The following PER2 variants were observed in gnomAD, a reference collection of about 807,000 sequenced individuals.
PER2 encodes period circadian regulator 2, also known as period circadian protein homolog 2.
Under a neutral mutation model 121.0 loss-of-function variants are expected in PER2, and 66 were observed. The observed-to-expected ratio is 0.55, with a 90% CI of 0.45 to 0.67. The LOEUF is 0.67. Ranked by LOEUF, PER2 falls within the 30% of genes least tolerant of loss-of-function variation. The probability of loss-of-function intolerance (pLI) is 0.00; values close to 1 mark genes in which losing one functional copy is unlikely to be tolerated. For synonymous variants in PER2, 684 were observed against 659.9 expected (o/e 1.04, Z -0.56); for missense variants, 1,521 against 1,635.0 (o/e 0.93, Z 1.20).
chr2:238,275,386 C>T (rs1434322198), intron 4 of PER2, among the ~76,000 whole-genome samples: 1 of 152,134 alleles, frequency 6.6e-6, no homozygotes, highest in African/African-American at 2.4e-5. Flanking sequence ...TGGTAGTTTC[C>T]ACTCTAAAGA....
At chr2:238,250,476 C>T in intron 21 of PER2, 75 bp downstream of exon 21, 1 of 1,053,950 alleles carries the variant, frequency 9.5e-7, no homozygotes, top group African/African-American at 1.6e-5. Context: ...ATCTGAATGA[C>T]CTTGACCTTG....
upstream of PER2, among the ~76,000 whole-genome samples, chr2:238,294,959 G>C (rs1697018823): frequency 6.6e-6 from 1 of 152,260 alleles, no homozygotes. Context: ...CTGGGGTGCA[G>C]GTCCATCTTG....
Position 238,245,744 on chromosome 2 carries a change from T to C in PER2, c.*631A>G. ...TAGTCCAGAGCAAATGTTTCAACTT[T>C]GTTCACTACAAACAAAACCTATGTC... On this transcript the variant is annotated 3_prime_UTR_variant, in exon 23 of 23. Coordinates refer to ENST00000254657, the MANE Select transcript of PER2 (RefSeq NM_022817.3). 2.5e-6 allele frequency: 1 copy of C among 398,460 alleles called. No individual in the cohort carries two copies. The highest frequency in any genetic ancestry group is 4.4e-6 in the Non-Finnish European group (1 of 225,988). The allele number at this position is 398,460 out of a possible 1,614,324, so 24.7% of individuals were successfully genotyped here.
At chr2:238,255,227 T>G (rs1182111487) in intron 18 of PER2, 2 of 287,572 alleles carry the variant, frequency 7.0e-6, no homozygotes, top group South Asian at 3.5e-5. Context: ...GTCAGGAGGG[T>G]GCATCTCCTG....
At chr2:238,274,176 C>T (rs901383290) in intron 4 of PER2, among the ~76,000 whole-genome samples, 4 of 152,234 alleles carry the variant, frequency 2.6e-5, no homozygotes, top group South Asian at 2.1e-4. Context: ...TGAGTTCCCA[C>T]GTCATCCTGG....
At chr2:238,249,001 A>C in intron 22 of PER2, 61 bp downstream of exon 22, 5 of 1,544,178 alleles carry the variant, frequency 3.2e-6, no homozygotes, top group Non-Finnish European at 4.5e-6. Flanking sequence ...AAGACAGTAC[A>C]GAGAATCCCC....
chr2:238,260,970 C>T lies in PER2; in HGVS notation c.1417-17G>A. ...GGGGACGGGCTGGGGAGACAGCAGA[C>T]AGCGCTACAGACACAGCCAGGGCTG... On this transcript the variant is annotated splice_polypyrimidine_tract_variant and intron_variant, in intron 12 of 22. Coordinates refer to ENST00000254657, the MANE Select transcript of PER2 (RefSeq NM_022817.3). The T allele has an allele frequency of 6.2e-7, 1 of 1,610,440 alleles. No individual in the cohort carries two copies. The highest frequency in any genetic ancestry group is 8.5e-7 in the Non-Finnish European group (1 of 1,179,558).
intron 8 of PER2, among the ~76,000 whole-genome samples, chr2:238,266,680 C>A (rs890806061): frequency 6.6e-6 from 1 of 152,156 alleles, no homozygotes; most frequent in Non-Finnish European, 1.5e-5. Flanking sequence ...CTGTAATACA[C>A]GCAGGAACAC....
In PER2 at chr2:238,267,986, T is replaced by C. The variant is rs73088929; in HGVS notation, c.967+70A>G. The C allele has an allele frequency of 3.5e-3, 5,463 of 1,552,960 alleles. 179 individuals carry two copies. In the African/African-American group the frequency reaches 0.067, roughly 19 times the overall value. ...GGGAGTCCATCGTACAGATGTTATG[T>C]GTGAACCACAGGAGTAACTGAGGGG... On this transcript the variant is annotated intron_variant, in intron 8 of 22. Coordinates refer to ENST00000254657, the MANE Select transcript of PER2 (RefSeq NM_022817.3).
chr2:238,289,146 C>T (rs917681111), upstream of PER2: 1 of 152,206 alleles, frequency 6.6e-6, no homozygotes, highest in African/African-American at 2.4e-5. Context: ...TCCTGCGCAC[C>T]TCCGGCCGGC....
At chr2:238,262,385 A>C in intron 10 of PER2, 41 bp from the exon 11 acceptor site, 1 of 1,604,556 alleles carries the variant, frequency 6.2e-7, no homozygotes, top group South Asian at 1.1e-5. Context: ...AAAGGGGAGC[A>C]AACAGGATTT....
chr2:238,257,091 A>G lies in PER2; in HGVS notation c.1901-5T>C, dbSNP rs1283945332. The G allele has an allele frequency of 4.3e-6, 7 of 1,610,668 alleles. No individual in the cohort carries two copies. The African/African-American group carries it at 6.7e-5, about 15-fold the overall frequency. On this transcript the variant is annotated splice_region_variant and splice_polypyrimidine_tract_variant and intron_variant, in intron 16 of 22. Coordinates refer to ENST00000254657, the MANE Select transcript of PER2 (RefSeq NM_022817.3). ...CCCTGGAGGGCGGCTCTGCCTCTTC[A>G]TGAGAGGAAGGGGGAACAAACATTA...
In PER2 at chr2:238,253,062, C is replaced by T. The variant is rs768386498; in HGVS notation, c.2961G>A (p.Ser987=). ...GCTGCAGCAGGTTGAGCTGCAGGGG[C>T]GAGCTGCTGCGGGACTGAAAGAGCG... ...SPPLFQSRSS[S]PLQLNLLQLE... Residue 987 remains serine, a synonymous_variant, in exon 19 of 23, where the codon TCG becomes TCA. Coordinates refer to ENST00000254657, the MANE Select transcript of PER2 (RefSeq NM_022817.3). This position sits in a 1 kb window ranked among gnomAD's most constrained non-coding sequence, Gnocchi z 5.6. 3.3e-5 allele frequency: 54 copies of T among 1,612,950 alleles called. No homozygotes were observed. In the South Asian group the frequency reaches 4.8e-4, roughly 14 times the overall value.
At chr2:238,275,657 G>A in intron 4 of PER2, 86 bp downstream of exon 4, 1 of 1,454,222 alleles carries the variant, frequency 6.9e-7, no homozygotes, top group Non-Finnish European at 9.6e-7. Flanking sequence ...TCGAGTTTTA[G>A]AAAGTCAACA....
At chr2:238,262,702 A>C (rs546857079) in intron 10 of PER2, among the ~76,000 whole-genome samples, 1 of 152,296 alleles carries the variant, frequency 6.6e-6, no homozygotes, top group Non-Finnish European at 1.5e-5. Context: ...CAGTAAACAT[A>C]AGATGCTACG....
At chr2:238,286,537 C>A (rs1179144147) in intron 1 of PER2, among the ~76,000 whole-genome samples, 2 of 152,214 alleles carry the variant, frequency 1.3e-5, no homozygotes, top group Admixed American at 6.5e-5. Context: ...AGGGGTCCAT[C>A]AGAGGCCCCC....
intron 20 of PER2, 140 bp downstream of exon 20, chr2:238,251,459 G>A: frequency 1.3e-6 from 1 of 754,488 alleles, no homozygotes; most frequent in Non-Finnish European, 2.3e-6. Flanking sequence ...TGTCTGTGTG[G>A]GTGTCTGCAT....
chr2:238,253,506 G>A lies in PER2; in HGVS notation c.2517C>T (p.Ser839=). The part of the protein sequence containing the change: ...TAWSPSDTSQ[S]SCPAVPFPAP... ...CGGGAAAGGGCACGGCTGGGCAGCT[G>A]GACTGGGACGTGTCTGAGGGTGACC... Residue 839 remains serine, a synonymous_variant, in exon 19 of 23, where the codon TCC becomes TCT. Transcript: ENST00000254657. This position sits in a 1 kb window ranked among gnomAD's most constrained non-coding sequence, Gnocchi z 5.6. 6.2e-7 allele frequency: 1 copy of A among 1,611,916 alleles called. No individual in the cohort carries two copies. Among genetic ancestry groups the A allele is most frequent in the Non-Finnish European group, 8.5e-7 (1 of 1,179,344 alleles).
chr2:238,278,086 G>C (rs1289313231), intron 1 of PER2, 131 bp from the exon 2 acceptor site: 20 of 935,838 alleles, frequency 2.1e-5, no homozygotes, highest in South Asian at 3.0e-5. Context: ...TCTTCTCTCT[G>C]TCTCTCTCTC....
Sources: gnomAD v4.1 joint callset for allele counts (sites outside exome capture counted in the v4.1 genomes callset) on GRCh38, gnomAD v4.1.1 for gene constraint, Gnocchi (gnomAD v3.1) non-coding constraint, MANE v1.5 for transcripts, NCBI Gene and HGNC (gene_info 2026-07-23, HGNC 2026-07-21) for gene names.